RALGAPA1: variants seen among roughly 807,000 people sequenced by gnomAD.
The protein encoded by RALGAPA1 is ral GTPase-activating protein subunit alpha-1.
In RALGAPA1, 52 loss-of-function variants were observed where a neutral mutation model predicts 269.6. The ratio of observed to expected loss-of-function variants is 0.19; its 90% CI spans 0.15 to 0.24. The LOEUF (loss-of-function observed/expected upper bound fraction) is 0.24. RALGAPA1 is among the 10% of genes least tolerant of loss of function. The pLI is 1.00. For synonymous variants in RALGAPA1, 817 were observed against 1,008.3 expected (o/e 0.81, Z 3.60); for missense variants, 1,917 against 3,013.9 (o/e 0.64, Z 8.52).
At chr14:35,762,466 G>A (rs1863415214) in intron 5 of RALGAPA1, among the ~76,000 whole-genome samples, 1 of 152,104 alleles carries the variant, frequency 6.6e-6, no homozygotes, top group South Asian at 2.1e-4. Flanking sequence ...ATGTTGGCCA[G>A]GCTGGTCTCA....
chr14:35,725,420 G>A (rs2069803771), intron 13 of RALGAPA1, among the ~76,000 whole-genome samples: 1 of 152,100 alleles, frequency 6.6e-6, no homozygotes, highest in African/African-American at 2.4e-5. Context: ...AAGTGATAAT[G>A]TGGAGAATGC....
intron 1 of RALGAPA1, among the ~76,000 whole-genome samples, chr14:35,799,916 C>T (rs887385027): frequency 2.6e-5 from 4 of 152,152 alleles, no homozygotes; most frequent in Non-Finnish European, 5.9e-5. Flanking sequence ...ATCCTGCTAA[C>T]ACTAATCAAA....
intron 21 of RALGAPA1, among the ~76,000 whole-genome samples, chr14:35,683,111 G>A (rs2065602799): frequency 6.6e-6 from 1 of 152,198 alleles, no homozygotes; most frequent in South Asian, 2.1e-4. Flanking sequence ...GGGGCAAACT[G>A]TAGCCGGAAC....
intron 35 of RALGAPA1, among the ~76,000 whole-genome samples, chr14:35,621,719 TTC>T (rs1324568934): frequency 3.3e-5 from 5 of 152,114 alleles, no homozygotes; most frequent in African/African-American, 1.2e-4. Flanking sequence ...GAACAGACAC[TTC>T]TCAAAAGAAG....
intron 27 of RALGAPA1, among the ~76,000 whole-genome samples, chr14:35,662,903 C>G: frequency 7.4e-6 from 1 of 134,352 alleles, no homozygotes; most frequent in Non-Finnish European, 1.5e-5. Context: ...ATATGTAAGT[C>G]AAGTTCACTT....
In RALGAPA1 at chr14:35,751,979, T is replaced by C. The variant is rs772487688; in HGVS notation, c.802+45A>G. 3.2e-6 allele frequency: 5 copies of C among 1,545,510 alleles called. No individual in the cohort carries two copies. The East Asian group carries it at 9.3e-5, about 29-fold the overall frequency. On this transcript the variant is annotated intron_variant, in intron 8 of 41. Transcript: ENST00000680220. ...GCCAACTTTACAGTAAGAGATTATT[T>C]TACTCTTAAGTGTGATCTTTCAGAA...
In RALGAPA1 at chr14:35,734,290, C is replaced by T. The variant is rs542583936; in HGVS notation, c.1587+4223G>A. Among the ~76,000 whole-genome samples, 3 of 152,236 alleles carry T rather than the reference C, an allele frequency of 2.0e-5. No individual in the cohort carries two copies. In the East Asian group the frequency reaches 5.8e-4, roughly 29 times the overall value. ...CAACAAATCTGGAGGTATCACACTA[C>T]CTGATTTCAAACTATACTGTAAGGC... On this transcript the variant is annotated intron_variant, in intron 12 of 41. Transcript: ENST00000680220.
chr14:35,693,003 A>G (rs1187719941), intron 17 of RALGAPA1, among the ~76,000 whole-genome samples: 1 of 152,046 alleles, frequency 6.6e-6, no homozygotes, highest in East Asian at 1.9e-4. Flanking sequence ...TTATAAATGA[A>G]GAAACTCTTT....
chr14:35,672,566 TAAAG>T (rs1309711466), intron 25 of RALGAPA1, among the ~76,000 whole-genome samples: 4 of 152,094 alleles, frequency 2.6e-5, no homozygotes, highest in African/African-American at 9.6e-5. Flanking sequence ...AGAATATTAT[TAAAG>T]AAAGGTATCA....
At chr14:35,588,850 A>C (rs2058467607) in intron 37 of RALGAPA1, among the ~76,000 whole-genome samples, 1 of 152,238 alleles carries the variant, frequency 6.6e-6, no homozygotes, top group Admixed American at 6.5e-5. Flanking sequence ...ATATGGAATC[A>C]ATCTAAGAGT....
intron 16 of RALGAPA1, among the ~76,000 whole-genome samples, chr14:35,708,908 T>G (rs2068043384): frequency 6.6e-6 from 1 of 152,224 alleles, no homozygotes; most frequent in Non-Finnish European, 1.5e-5. Context: ...TGAAGTATTA[T>G]TCAACCATAA....
At chr14:35,599,326 T>A (rs1212272494) in intron 36 of RALGAPA1, among the ~76,000 whole-genome samples, 1 of 152,222 alleles carries the variant, frequency 6.6e-6, no homozygotes, top group African/African-American at 2.4e-5. Flanking sequence ...TCCTTTCTAT[T>A]AATAAAACTG....
At chr14:35,758,243 CAAA>C (rs66473514) in intron 6 of RALGAPA1, among the ~76,000 whole-genome samples, 2 of 49,746 alleles carry the variant, frequency 4.0e-5, no homozygotes, top group African/African-American at 1.5e-4. Flanking sequence ...GACTCTGTCT[CAAA>C]AAAAAAAAAA....
intron 31 of RALGAPA1, among the ~76,000 whole-genome samples, chr14:35,647,196 A>C (rs1451846595): frequency 6.6e-6 from 1 of 152,232 alleles, no homozygotes; most frequent in Non-Finnish European, 1.5e-5. Context: ...ATGCATATAA[A>C]GTACACACTG....
At chr14:35,777,217 G>A (rs777942341) in intron 1 of RALGAPA1, among the ~76,000 whole-genome samples, 70 of 151,334 alleles carry the variant, frequency 4.6e-4, no homozygotes, top group Admixed American at 3.9e-4. Context: ...ACCTATTAAC[G>A]AAAAACAAAA....
At chr14:35,642,844 A>G (rs2062115877) in intron 31 of RALGAPA1, among the ~76,000 whole-genome samples, 1 of 152,198 alleles carries the variant, frequency 6.6e-6, no homozygotes, top group Non-Finnish European at 1.5e-5. Context: ...TATATACCCA[A>G]AGGATTATAA....
intron 16 of RALGAPA1, among the ~76,000 whole-genome samples, chr14:35,718,796 C>T (rs1408872305): frequency 6.6e-6 from 1 of 151,468 alleles, no homozygotes; most frequent in African/African-American, 2.4e-5. Flanking sequence ...CAGAGCAAGA[C>T]TCCATCTCAA....
chr14:35,640,779 A>G (rs544185095), intron 31 of RALGAPA1, among the ~76,000 whole-genome samples: 1 of 152,182 alleles, frequency 6.6e-6, no homozygotes, highest in Admixed American at 6.5e-5. Context: ...CATCAACAAA[A>G]AGAAAACTAC....
intron 15 of RALGAPA1, among the ~76,000 whole-genome samples, 160 bp from the exon 16 acceptor site, chr14:35,722,009 T>C (rs768388557): frequency 1.2e-4 from 18 of 152,236 alleles, no homozygotes; most frequent in Non-Finnish European, 8.8e-5. Flanking sequence ...GAGCTTCACT[T>C]TATGTATAAA....
Sources: gnomAD v4.1 joint callset for allele counts (sites outside exome capture counted in the v4.1 genomes callset) on GRCh38, gnomAD v4.1.1 for gene constraint, MANE v1.5 for transcripts, NCBI Gene and HGNC (gene_info 2026-07-23, HGNC 2026-07-21) for gene names.